Variants in EPHA6 observed in about 807,000 individuals in gnomAD.
EPHA6 encodes EPH receptor A6.
Under a neutral mutation model 112.0 loss-of-function variants are expected in EPHA6, and 50 were observed. That is an observed-to-expected ratio of 0.45 (90% CI 0.36 to 0.56). The LOEUF (loss-of-function observed/expected upper bound fraction) is 0.56, where lower values mean the gene tolerates loss of function less well. EPHA6 is among the 20% of genes least tolerant of loss of function. The pLI is 0.00. For synonymous variants in EPHA6, 529 were observed against 490.7 expected (o/e 1.08, Z -1.03); for missense variants, 1,280 against 1,417.4 (o/e 0.90, Z 1.56).
chr3:97,171,029 A>G (rs942733295), intron 3 of EPHA6, among the ~76,000 whole-genome samples: 2 of 152,146 alleles, frequency 1.3e-5, no homozygotes, highest in Non-Finnish European at 2.9e-5. Flanking sequence ...ACTATAAATA[A>G]TGGACTGAAA....
chr3:97,446,466 T>C (rs1460549000), intron 6 of EPHA6, among the ~76,000 whole-genome samples: 1 of 152,202 alleles, frequency 6.6e-6, no homozygotes, highest in Non-Finnish European at 1.5e-5. Flanking sequence ...TATTTAGCTA[T>C]GTTTTGGGGA....
At chr3:97,206,343 T>G (rs2077711697) in intron 3 of EPHA6, among the ~76,000 whole-genome samples, 1 of 152,140 alleles carries the variant, frequency 6.6e-6, no homozygotes, top group Admixed American at 6.6e-5. Context: ...GTTCAAAAAC[T>G]TCTGTGTTTA....
intron 2 of EPHA6, among the ~76,000 whole-genome samples, chr3:96,875,966 G>A (rs2036919457): frequency 6.6e-6 from 1 of 150,826 alleles, no homozygotes; most frequent in Non-Finnish European, 1.5e-5. Flanking sequence ...TATAAACTAA[G>A]ATTCTGATTT....
At chr3:97,440,368 TAA>T (rs970348149) in intron 6 of EPHA6, among the ~76,000 whole-genome samples, 13 of 152,030 alleles carry the variant, frequency 8.6e-5, no homozygotes, top group Non-Finnish European at 1.8e-4. Flanking sequence ...AAGAATTTTC[TAA>T]AGAGTTTGAT....
chr3:97,362,528 T>C (rs1406564262), intron 5 of EPHA6, among the ~76,000 whole-genome samples: 1 of 152,078 alleles, frequency 6.6e-6, no homozygotes, highest in African/African-American at 2.4e-5. Context: ...AATTTAAGAA[T>C]GTTATATGTA....
At chr3:97,032,473 A>G (rs2044900814) in intron 3 of EPHA6, among the ~76,000 whole-genome samples, 1 of 151,980 alleles carries the variant, frequency 6.6e-6, no homozygotes, top group Non-Finnish European at 1.5e-5. Context: ...AATAAAAAAA[A>G]GGATGAGACC....
At position 96,975,703 on chromosome 3, in the gene EPHA6, T is replaced by C. The variant is rs1002773650; in HGVS notation, c.451-11627T>C. The stretch of plus-strand genomic sequence containing the variant: ...CAAAACTTCTCATTGAGCAGGACAC[T>C]TAGTTACAAAACTTTTCCATCCATC... On this transcript the variant is annotated intron_variant, in intron 2 of 17. Transcript: ENST00000389672. Among the ~76,000 whole-genome samples, 8 of 152,282 alleles carry C rather than the reference T, an allele frequency of 5.3e-5. No individual in the cohort carries two copies. In the Middle Eastern group the frequency reaches 0.02, roughly 388 times the overall value.
chr3:97,445,450 G>T (rs1484502427), intron 6 of EPHA6, among the ~76,000 whole-genome samples: 1 of 152,034 alleles, frequency 6.6e-6, no homozygotes. Context: ...CTCCCACAAA[G>T]AATTTTTTAA....
intron 2 of EPHA6, among the ~76,000 whole-genome samples, chr3:96,909,076 A>T (rs886705978): frequency 2.0e-5 from 3 of 152,012 alleles, no homozygotes; most frequent in Admixed American, 2.0e-4. Flanking sequence ...GTAGACAAAT[A>T]GATCCATATG....
At chr3:97,263,067 T>C (rs2108623169) in intron 5 of EPHA6, among the ~76,000 whole-genome samples, 1 of 152,304 alleles carries the variant, frequency 6.6e-6, no homozygotes, top group East Asian at 1.9e-4. Flanking sequence ...CTTTGGACAT[T>C]TTGCTGTAGT....
chr3:97,509,894 ATT>A (rs1012417303), intron 10 of EPHA6, among the ~76,000 whole-genome samples: 14 of 151,548 alleles, frequency 9.2e-5, no homozygotes, highest in African/African-American at 3.4e-4. Flanking sequence ...CCTTTTCATT[ATT>A]TTTTCTCTAA....
At chr3:97,164,771 T>G (rs2076500806) in intron 3 of EPHA6, among the ~76,000 whole-genome samples, 1 of 152,112 alleles carries the variant, frequency 6.6e-6, no homozygotes, top group Admixed American at 6.6e-5. Context: ...CGCAACCAAT[T>G]AATTGTCAGC....
intron 8 of EPHA6, among the ~76,000 whole-genome samples, chr3:97,478,737 T>C (rs1436493460): frequency 6.6e-6 from 1 of 152,134 alleles, no homozygotes; most frequent in African/African-American, 2.4e-5. Flanking sequence ...GACTGAATTA[T>C]GTAACACAGA....
chr3:97,411,896 C>A (rs2087741266), intron 6 of EPHA6, among the ~76,000 whole-genome samples: 1 of 152,016 alleles, frequency 6.6e-6, no homozygotes, highest in East Asian at 1.9e-4. Flanking sequence ...AGTCGCTTAA[C>A]AAGACCTACT....
At position 97,131,751 on chromosome 3, in the gene EPHA6, T is replaced by G. The variant is rs2108328572; in HGVS notation, c.1115-94513T>G. ...CCAGACATGTAGAGTAATAAACATT[T>G]TCATCTTGCTGTACTGTTATTGCTA... On this transcript the variant is annotated intron_variant, in intron 3 of 17. Transcript: ENST00000389672. Among the ~76,000 whole-genome samples, 2 of 152,224 alleles carry G rather than the reference T, an allele frequency of 1.3e-5. 1 individual carries two copies. Among genetic ancestry groups the G allele is most frequent in the South Asian group, 4.2e-4 (2 of 4,818 alleles).
At chr3:97,471,887 C>A (rs997443943) in intron 7 of EPHA6, among the ~76,000 whole-genome samples, 2 of 151,716 alleles carry the variant, frequency 1.3e-5, no homozygotes, top group Non-Finnish European at 3.0e-5. Flanking sequence ...TATCACAGCT[C>A]TGGAGACCAA....
chr3:97,422,137 C>CAA (rs34312259), intron 6 of EPHA6, among the ~76,000 whole-genome samples: 163 of 103,232 alleles, frequency 1.6e-3, no homozygotes, highest in Admixed American at 4.6e-3. Flanking sequence ...AATAGTCTCT[C>CAA]AAAAAAAAAA....
In EPHA6 at chr3:97,604,970, T is replaced by A. The variant is rs548353819; in HGVS notation, c.2513-5823T>A. The stretch of plus-strand genomic sequence containing the variant: ...TGTGCCTAGCTCTGTGCTTAGATAG[T>A]GACCTTATAGAGAAGAATTGGGCAT... On this transcript the variant is annotated intron_variant, in intron 12 of 17. Coordinates refer to ENST00000389672, the MANE Select transcript of EPHA6 (RefSeq NM_001080448.3). Among the ~76,000 whole-genome samples, 136 of 151,658 alleles carry A rather than the reference T, an allele frequency of 9.0e-4. 1 individual carries two copies. The highest frequency in any genetic ancestry group is 5.9e-4 in the Admixed American group (9 of 15,146).
chr3:97,703,497 G>A (rs991838033), intron 14 of EPHA6, among the ~76,000 whole-genome samples: 1 of 152,178 alleles, frequency 6.6e-6, no homozygotes, highest in Middle Eastern at 3.4e-3. Flanking sequence ...TGTTTACTTA[G>A]AGCAATAATA....
Sources: gnomAD v4.1 joint callset for allele counts (sites outside exome capture counted in the v4.1 genomes callset) on GRCh38, gnomAD v4.1.1 for gene constraint, MANE v1.5 for transcripts, NCBI Gene and HGNC (gene_info 2026-07-23, HGNC 2026-07-21) for gene names.